The following RYK variants were observed in gnomAD, a reference collection of about 807,000 sequenced individuals.
RYK encodes receptor like tyrosine kinase.
A neutral mutation model predicts 70.2 loss-of-function variants in RYK; 21 were observed. The observed-to-expected ratio is 0.30, with a 90% CI of 0.21 to 0.43. RYK has a LOEUF of 0.43. Among genes scored for constraint, RYK ranks in the 20% least tolerant of loss-of-function variants. The pLI, the probability that RYK is intolerant of heterozygous loss-of-function variation, is 1.00. For synonymous variants in RYK, 267 were observed against 278.0 expected (o/e 0.96, Z 0.39); for missense variants, 604 against 753.3 (o/e 0.80, Z 2.32).
chr3:134,196,804 T>A (rs1324313150), intron 6 of RYK, among the ~76,000 whole-genome samples: 1 of 152,084 alleles, frequency 6.6e-6, no homozygotes, highest in Non-Finnish European at 1.5e-5. Flanking sequence ...TAACCAAACA[T>A]CTGTAGAAAG....
At chr3:134,191,017 T>C (rs190880908) in intron 8 of RYK, among the ~76,000 whole-genome samples, 1 of 152,340 alleles carries the variant, frequency 6.6e-6, no homozygotes, top group Non-Finnish European at 1.5e-5. Context: ...ACAGTTTAAG[T>C]ACCTGACTTA....
intron 7 of RYK, 62 bp downstream of exon 7, chr3:134,195,020 A>T: frequency 8.7e-7 from 1 of 1,144,194 alleles, no homozygotes. Flanking sequence ...ACCATGCAAG[A>T]CCACTGGGAA....
chr3:134,240,803 C>CT (rs1030319431), intron 1 of RYK, among the ~76,000 whole-genome samples: 3 of 152,260 alleles, frequency 2.0e-5, no homozygotes, highest in Non-Finnish European at 2.9e-5. Context: ...GGGCCTAAGG[C>CT]TTTCACAAAA....
At chr3:134,187,841 T>G (rs1293350733) in intron 9 of RYK, among the ~76,000 whole-genome samples, 3 of 151,950 alleles carry the variant, frequency 2.0e-5, no homozygotes, top group African/African-American at 7.3e-5. Context: ...ATTACAATTG[T>G]GAGCCACTGC....
chr3:134,189,740 C>CAAAAAAAAAAAAAAAAACAA (rs2013585533), intron 8 of RYK, among the ~76,000 whole-genome samples: 1 of 92,668 alleles, frequency 1.1e-5, no homozygotes. Flanking sequence ...GAGACTCCGC[C>CAAAAAAAAAAAAAAAAACAA]AAAAAAAAAA....
intron 7 of RYK, among the ~76,000 whole-genome samples, chr3:134,194,823 C>A (rs2013763462): frequency 6.6e-6 from 1 of 152,090 alleles, no homozygotes; most frequent in African/African-American, 2.4e-5. Context: ...CTTAGTAGCC[C>A]TTTTAGTATA....
In RYK at chr3:134,191,969, G is replaced by T; in HGVS notation, c.895C>A (p.Pro299Thr). 2 of 1,612,618 alleles carry T rather than the reference G, an allele frequency of 1.2e-6. No individual in the cohort carries two copies. Among genetic ancestry groups the T allele is most frequent in the Non-Finnish European group, 1.7e-6 (2 of 1,179,432 alleles). The change falls in exon 8 of 15, where the codon CCT becomes ACT. Residue 299 changes from proline (P) to threonine (T), a missense_variant. Physicochemically the swap from Pro to Thr is conservative, Grantham distance 38 (BLOSUM62 -1). Transcript: ENST00000623711. ...PNNATPITSY[P>T]TLRIEKNDLR... ...TCGTTCTTCTCTATCCGCAAGGTAG[G>T]ATAACCTAAGGAGCCAACAAAGCCA...
chr3:134,193,329 G>A (rs1395971707), intron 7 of RYK, among the ~76,000 whole-genome samples: 10 of 151,954 alleles, frequency 6.6e-5, no homozygotes, highest in Admixed American at 1.3e-4. Context: ...GACTACAGGC[G>A]CGAGCCACCA....
intron 1 of RYK, among the ~76,000 whole-genome samples, chr3:134,246,574 C>T (rs529713571): frequency 6.6e-6 from 1 of 151,998 alleles, no homozygotes; most frequent in Admixed American, 6.6e-5. Context: ...ATCAGAATGG[C>T]TTTGGACTTT....
At chr3:134,201,304 A>G (rs1045343162) in intron 6 of RYK, among the ~76,000 whole-genome samples, 1 of 152,200 alleles carries the variant, frequency 6.6e-6, no homozygotes, top group African/African-American at 2.4e-5. Flanking sequence ...CAGTGGGGAC[A>G]AAGAGTACTA....
At chr3:134,232,150 C>A (rs958737199) in intron 1 of RYK, among the ~76,000 whole-genome samples, 10 of 152,192 alleles carry the variant, frequency 6.6e-5, no homozygotes, top group African/African-American at 2.4e-4. Context: ...GTCATTCTGT[C>A]TCCAGTATCT....
Position 134,242,668 on chromosome 3 carries a change from C to T in RYK, c.232+7755G>A, listed in dbSNP as rs115548230. On this transcript the variant is annotated intron_variant, in intron 1 of 14. Coordinates refer to ENST00000623711, the MANE Select transcript of RYK (RefSeq NM_002958.4). ...CTGCATCAAAACACCAAAAGTAATG[C>T]TATGGAACTTCTCAACTCAGGTGCC... Among the ~76,000 whole-genome samples, 928 of 152,262 alleles carry T rather than the reference C, an allele frequency of 6.1e-3. 11 individuals carry two copies. Among genetic ancestry groups the T allele is most frequent in the African/African-American group, 0.021 (888 of 41,536 alleles).
chr3:134,215,153 G>A lies in RYK; in HGVS notation c.355-3546C>T, dbSNP rs147914208. ...GTCTCAGTTATCACAAGGAGAGAAG[G>A]AGCAGACCAGAGACCAGAACCCCAA... is the stretch of plus-strand genomic sequence containing the variant. On this transcript the variant is annotated intron_variant, in intron 2 of 14. Coordinates refer to ENST00000623711, the MANE Select transcript of RYK (RefSeq NM_002958.4). Among the ~76,000 whole-genome samples the A allele has an allele frequency of 2.6e-5, 4 of 152,284 alleles. No homozygotes were observed. In the East Asian group the frequency reaches 7.7e-4, roughly 29 times the overall value.
chr3:134,187,074 T>C (rs1436122114), intron 9 of RYK, among the ~76,000 whole-genome samples: 3 of 152,208 alleles, frequency 2.0e-5, no homozygotes, highest in Admixed American at 6.5e-5. Flanking sequence ...AAAAGTGTTT[T>C]TGGTGCTGGG....
intron 13 of RYK, among the ~76,000 whole-genome samples, chr3:134,168,801 A>G (rs1350473257): frequency 6.6e-6 from 1 of 152,052 alleles, no homozygotes; most frequent in Admixed American, 6.6e-5. Context: ...AAGAAGAAGC[A>G]TCCTCCGTAA....
At chr3:134,204,026 G>C (rs936255349) in intron 5 of RYK, among the ~76,000 whole-genome samples, 2 of 152,252 alleles carry the variant, frequency 1.3e-5, no homozygotes, top group South Asian at 4.2e-4. Flanking sequence ...AGAGGAATCA[G>C]ACATCATTTT....
chr3:134,179,898 G>A (rs1235824260), intron 10 of RYK: 1 of 152,138 alleles, frequency 6.6e-6, no homozygotes, highest in Non-Finnish European at 1.5e-5. Context: ...ACTACCACAG[G>A]ATTAAAAATC....
At chr3:134,217,239 TA>T (rs2014584606) in intron 2 of RYK, among the ~76,000 whole-genome samples, 2 of 152,164 alleles carry the variant, frequency 1.3e-5, no homozygotes, top group African/African-American at 4.8e-5. Flanking sequence ...TGGCAAACCT[TA>T]AAAAGCAAGA....
Position 134,204,591 on chromosome 3 carries a change from CCACACACA to C in RYK, c.644-1725_644-1718del, listed in dbSNP as rs59154111. ...AAATAACCCAATGACACAGCCACAG[CCACACACA>C]CACACACACACACACACACACACAC... On this transcript the variant is annotated intron_variant, in intron 5 of 14. Transcript: ENST00000623711. Among the ~76,000 whole-genome samples, 1,925 of 140,778 alleles carry C rather than the reference CCACACACA, an allele frequency of 0.014. 92 individuals are homozygous for C. The South Asian group carries it at 0.14, about 10-fold the overall frequency. The allele number at this position is 140,778 out of a possible 152,430, so 92.4% of individuals were successfully genotyped here.
Sources: allele counts gnomAD v4.1 joint callset (sites outside exome capture counted in the v4.1 genomes callset), GRCh38; gene constraint gnomAD v4.1.1; transcripts MANE v1.5; gene names NCBI Gene and HGNC (gene_info 2026-07-23, HGNC 2026-07-21).